Variants in TENT4B observed in about 807,000 individuals in gnomAD.
The protein encoded by TENT4B is terminal nucleotidyltransferase 4B.
Under a neutral mutation model 75.0 loss-of-function variants are expected in TENT4B, and 10 were observed. That is an observed-to-expected ratio of 0.13 (90% CI 0.08 to 0.23). TENT4B has a LOEUF of 0.23. Ranked by LOEUF, TENT4B falls within the 10% of genes least tolerant of loss-of-function variation. The pLI is 1.00. For synonymous variants in TENT4B, 350 were observed against 357.7 expected (o/e 0.98, Z 0.24); for missense variants, 579 against 893.8 (o/e 0.65, Z 4.49).
chr16:50,217,910 C>T (rs1019743526), intron 5 of TENT4B, among the ~76,000 whole-genome samples: 4 of 151,436 alleles, frequency 2.6e-5, no homozygotes, highest in Admixed American at 6.6e-5. Flanking sequence ...GGACTACAGA[C>T]GTGAGCCACT....
chr16:50,212,181 C>T (rs935946698), intron 2 of TENT4B, among the ~76,000 whole-genome samples: 7 of 152,182 alleles, frequency 4.6e-5, no homozygotes, highest in South Asian at 2.1e-4. Context: ...CTCAGCATCC[C>T]GAGTAGCTGG....
Position 50,174,292 on chromosome 16 carries a change from T to C in TENT4B, c.638+20033T>C, listed in dbSNP as rs533754453. Among the ~76,000 whole-genome samples, 316 of 152,078 alleles carry C rather than the reference T, an allele frequency of 2.1e-3. 2 individuals carry two copies. The highest frequency in any genetic ancestry group is 7.2e-3 in the African/African-American group (300 of 41,490). ...TTTGTATTTATAGTAGGGACAGGGT[T>C]TTGCCATGTTGGCCAGGCTGGTCTT... is the stretch of plus-strand genomic sequence containing the variant. On this transcript the variant is annotated intron_variant, in intron 1 of 11. Transcript: ENST00000561678.
chr16:50,153,161 C>A, upstream of TENT4B: 3 of 98,864 alleles, frequency 3.0e-5, no homozygotes, highest in Non-Finnish European at 4.0e-5. Context: ...GGGGGCGGGG[C>A]GAGCGCGTGA....
At chr16:50,216,924 C>G (rs979683380) in intron 4 of TENT4B, among the ~76,000 whole-genome samples, 1 of 152,036 alleles carries the variant, frequency 6.6e-6, no homozygotes, top group African/African-American at 2.4e-5. Flanking sequence ...ATCCTGTCAG[C>G]TTTTTAGAAT....
chr16:50,182,689 T>G (rs1480606442), intron 1 of TENT4B, among the ~76,000 whole-genome samples: 2 of 152,078 alleles, frequency 1.3e-5, no homozygotes. Flanking sequence ...CTAAATTGCT[T>G]CTTATTTTCT....
At chr16:50,205,743 A>G (rs973529149) in intron 1 of TENT4B, among the ~76,000 whole-genome samples, 12 of 151,576 alleles carry the variant, frequency 7.9e-5, no homozygotes, top group Admixed American at 6.6e-4. Context: ...GGCGCCTGCC[A>G]CCACACCCAG....
At chr16:50,168,967 A>G (rs1050055214) in intron 1 of TENT4B, among the ~76,000 whole-genome samples, 14 of 152,194 alleles carry the variant, frequency 9.2e-5, no homozygotes, top group African/African-American at 3.4e-4. Context: ...ATTTCATATA[A>G]ATAGTTCTTT....
intron 5 of TENT4B, among the ~76,000 whole-genome samples, chr16:50,219,094 G>A (rs1409833796): frequency 6.6e-6 from 1 of 150,422 alleles, no homozygotes. Flanking sequence ...TATATTGGGG[G>A]TGTGTGTGTG....
intron 1 of TENT4B, among the ~76,000 whole-genome samples, chr16:50,187,890 C>A (rs952829807): frequency 2.6e-5 from 4 of 151,790 alleles, no homozygotes; most frequent in African/African-American, 4.8e-5. Flanking sequence ...GAAAAAAAAA[C>A]CTCTGATGCA....
chr16:50,217,802 G>A, intron 5 of TENT4B, 139 bp downstream of exon 5: 1 of 472,778 alleles, frequency 2.1e-6, no homozygotes, highest in Non-Finnish European at 3.6e-6. Flanking sequence ...GTCTCACTCT[G>A]TCACCTAGGC....
intron 1 of TENT4B, among the ~76,000 whole-genome samples, chr16:50,181,709 G>A (rs1478824916): frequency 6.6e-6 from 1 of 152,060 alleles, no homozygotes; most frequent in Admixed American, 6.6e-5. Flanking sequence ...GATTGTTTTT[G>A]CACATGCCTC....
chr16:50,174,547 A>G (rs572467289), intron 1 of TENT4B, among the ~76,000 whole-genome samples: 13 of 152,282 alleles, frequency 8.5e-5, no homozygotes, highest in African/African-American at 2.4e-4. Context: ...TAATTAGAGT[A>G]TTACCTCAAA....
Position 50,214,202 on chromosome 16 carries a change from ACTT to A in TENT4B, c.763-15_763-13del. 1.9e-6 allele frequency: 3 copies of A among 1,546,266 alleles called. No homozygotes were observed. Among genetic ancestry groups the A allele is most frequent in the South Asian group, 1.1e-5 (1 of 87,166 alleles). ...CTTCTGATAACTCAATATAATAACA[ACTT>A]CTTTTTCTGTTTCAGGTCCAGATAT... On this transcript the variant is annotated splice_polypyrimidine_tract_variant and intron_variant, in intron 2 of 11. Transcript: ENST00000561678.
intron 1 of TENT4B, among the ~76,000 whole-genome samples, chr16:50,204,035 G>C (rs1339995009): frequency 6.6e-6 from 1 of 152,182 alleles, no homozygotes; most frequent in Non-Finnish European, 1.5e-5. Flanking sequence ...GCGTGCCCTG[G>C]TCCAGTTCTG....
chr16:50,234,437 C>T lies in TENT4B; in HGVS notation c.*5109C>T. 2 of 985,404 alleles carry T rather than the reference C, an allele frequency of 2.0e-6. No homozygotes were observed. Among genetic ancestry groups the T allele is most frequent in the Non-Finnish European group, 1.2e-6 (1 of 829,928 alleles). 61.0% of individuals were successfully genotyped at this position (985,404 alleles called of 1,614,324 possible). A position where few individuals can be genotyped will look rare whatever the true frequency, so the allele number is the denominator to read the frequency against. The stretch of plus-strand genomic sequence containing the variant: ...AGAGAGTGAAATGATGGGTTATCAG[C>T]CACATTCTTGGAGTTAATATTTTTC... On this transcript the variant is annotated 3_prime_UTR_variant, in exon 12 of 12. Coordinates refer to ENST00000561678, the MANE Select transcript of TENT4B (RefSeq NM_001365324.3).
intron 1 of TENT4B, among the ~76,000 whole-genome samples, chr16:50,188,633 C>G (rs2038581244): frequency 6.6e-6 from 1 of 152,224 alleles, no homozygotes; most frequent in Non-Finnish European, 1.5e-5. Context: ...TACGACATGT[C>G]TCAATATTAT....
intron 1 of TENT4B, among the ~76,000 whole-genome samples, chr16:50,195,432 G>A (rs1482624141): frequency 6.6e-5 from 10 of 152,146 alleles, no homozygotes; most frequent in Non-Finnish European, 1.2e-4. Context: ...TGTGTTAAGC[G>A]GAATGAAAAC....
At chr16:50,154,479 C>G (rs1385384554) in intron 1 of TENT4B, among the ~76,000 whole-genome samples, 2 of 151,990 alleles carry the variant, frequency 1.3e-5, no homozygotes, top group African/African-American at 4.8e-5. Flanking sequence ...CCTGTCCTCC[C>G]TTAGTCGTCC....
At chr16:50,195,730 G>A (rs893983333) in intron 1 of TENT4B, among the ~76,000 whole-genome samples, 1 of 152,066 alleles carries the variant, frequency 6.6e-6, no homozygotes, top group African/African-American at 2.4e-5. Context: ...AATTATCAGT[G>A]TTCACAGTAT....
Sources: allele counts gnomAD v4.1 joint callset (sites outside exome capture counted in the v4.1 genomes callset), GRCh38; gene constraint gnomAD v4.1.1; transcripts MANE v1.5; gene names NCBI Gene and HGNC (gene_info 2026-07-23, HGNC 2026-07-21).